LYSMD3: variants seen among roughly 807,000 people sequenced by gnomAD.
LYSMD3 encodes the protein lysM and putative peptidoglycan-binding domain-containing protein 3.
In LYSMD3, 13 loss-of-function variants were observed where a neutral mutation model predicts 26.1. The ratio of observed to expected loss-of-function variants is 0.50; its 90% CI spans 0.32 to 0.79. The LOEUF (loss-of-function observed/expected upper bound fraction) is 0.79, where lower values mean the gene tolerates loss of function less well. LYSMD3 is among the 30% of genes least tolerant of loss of function. The probability of loss-of-function intolerance (pLI) is 0.03; values close to 1 mark genes in which losing one functional copy is unlikely to be tolerated. For missense variants in LYSMD3, 331 were observed against 362.5 expected (o/e 0.91, Z 0.71); for synonymous variants, 109 against 119.4 (o/e 0.91, Z 0.57).
chr5:90,522,430 T>C (rs1034017868), intron 2 of LYSMD3, among the ~76,000 whole-genome samples: 1 of 152,252 alleles, frequency 6.6e-6, no homozygotes, highest in Admixed American at 6.5e-5. Flanking sequence ...TCCATTTAAG[T>C]ACTTTTCATC....
chr5:90,529,255 G>T, intron 1 of LYSMD3, 193 bp downstream of exon 1: 1 of 367,840 alleles, frequency 2.7e-6, no homozygotes, highest in South Asian at 2.0e-5. Flanking sequence ...CCGACAGTGT[G>T]ACAAGAGGGC....
Position 90,519,497 on chromosome 5 carries a change from A to C in LYSMD3, c.256-13T>G. On this transcript the variant is annotated splice_polypyrimidine_tract_variant and intron_variant, in intron 2 of 2. Coordinates refer to ENST00000315948, the MANE Select transcript of LYSMD3 (RefSeq NM_198273.2). Reference sequence around the variant, plus strand: ...TGATATCTGCTACCTGTGGGGGGGAAAAAAAAGCAACATACAACTGAATTC... The same window carrying C: ...TGATATCTGCTACCTGTGGGGGGGACAAAAAAGCAACATACAACTGAATTC... 2 of 1,586,338 alleles carry C rather than the reference A, an allele frequency of 1.3e-6. No homozygotes were observed. Among genetic ancestry groups the C allele is most frequent in the Non-Finnish European group, 1.7e-6 (2 of 1,169,378 alleles).
intron 2 of LYSMD3, chr5:90,520,222 T>C: frequency 2.9e-6 from 1 of 350,626 alleles, no homozygotes; most frequent in Non-Finnish European, 5.7e-6. Context: ...CACTGTGAGA[T>C]AACCTGTCTG....
At chr5:90,526,537 G>A (rs972246937) in intron 1 of LYSMD3, among the ~76,000 whole-genome samples, 4 of 152,188 alleles carry the variant, frequency 2.6e-5, no homozygotes, top group East Asian at 1.9e-4. Flanking sequence ...TTTTGGCTTC[G>A]TGTTAATTAT....
chr5:90,528,815 C>T (rs1189061365), intron 1 of LYSMD3, among the ~76,000 whole-genome samples: 1 of 152,218 alleles, frequency 6.6e-6, no homozygotes, highest in African/African-American at 2.4e-5. Context: ...AAGCATTCTT[C>T]AGCTCAGTCT....
Position 90,515,824 on chromosome 5 carries a change from A to G in LYSMD3, c.*2995T>C, listed in dbSNP as rs1431316004. 2 of 152,212 alleles carry G rather than the reference A, an allele frequency of 1.3e-5. No individual in the cohort carries two copies. Among genetic ancestry groups the G allele is most frequent in the African/African-American group, 2.4e-5 (1 of 41,474 alleles). The allele number at this position is 152,212 out of a possible 1,614,324, so 9.4% of individuals were successfully genotyped here. A position where few individuals can be genotyped will look rare whatever the true frequency, so the allele number is the denominator to read the frequency against. ...AAAATTAAAGCATTCAGATATTTCT[A>G]TGATCTAACAGTGCAATATGCACAT... On this transcript the variant is annotated 3_prime_UTR_variant, in exon 3 of 3. Coordinates refer to ENST00000315948, the MANE Select transcript of LYSMD3 (RefSeq NM_198273.2).
rs1300339090 is a variant in LYSMD3, at chr5:90,518,719, ATCTC to A, written c.*96_*99del. 5 of 1,217,588 alleles carry A rather than the reference ATCTC, an allele frequency of 4.1e-6. No individual in the cohort carries two copies. The African/African-American group carries it at 4.6e-5, about 11-fold the overall frequency. 75.4% of individuals were successfully genotyped at this position (1,217,588 alleles called of 1,614,324 possible). A position where few individuals can be genotyped will look rare whatever the true frequency, so the allele number is the denominator to read the frequency against. ...TTTGTTAAAAACAAAAGCATCCTCAATCTCTCTAAATTCTGCCTTTGAAGCTATT... is the reference window on the plus strand; with the variant it reads ...TTTGTTAAAAACAAAAGCATCCTCAATCTAAATTCTGCCTTTGAAGCTATT... On this transcript the variant is annotated 3_prime_UTR_variant, in exon 3 of 3. Coordinates refer to ENST00000315948, the MANE Select transcript of LYSMD3 (RefSeq NM_198273.2).
In LYSMD3 at chr5:90,519,439, A is replaced by C; in HGVS notation, c.301T>G (p.Phe101Val). The stretch of plus-strand genomic sequence containing the variant: ...ATTTTGATAGACCTAAGGGCAAAAA[A>C]GTCTTGATCACTGATGAGATTGTTA... ...RVNNLISDQD[F>V]FALRSIKIPV... Residue 101 changes from phenylalanine to valine, a missense_variant, in exon 3 of 3, where the codon TTT (phenylalanine) becomes GTT (valine). Phe to Val is a conservative substitution (Grantham distance 50). Transcript: ENST00000315948. 1.2e-6 allele frequency: 2 copies of C among 1,613,714 alleles called. No homozygotes were observed. Among genetic ancestry groups the C allele is most frequent in the Non-Finnish European group, 1.7e-6 (2 of 1,179,932 alleles).
intron 2 of LYSMD3, among the ~76,000 whole-genome samples, chr5:90,523,281 ATATTT>A (rs1203426178): frequency 6.6e-6 from 1 of 152,042 alleles, no homozygotes; most frequent in Non-Finnish European, 1.5e-5. Flanking sequence ...TTTTAATAAA[ATATTT>A]TATTAAATTT....
rs1160949 is a variant in LYSMD3, at chr5:90,516,908, CACTG to C, written c.*1907_*1910del. ...ACAACTAGCAAAAAAAGTAAGGAAT[CACTG>C]ACTGTAATTTCATCAATTTGATGTA... On this transcript the variant is annotated 3_prime_UTR_variant, in exon 3 of 3. Coordinates refer to ENST00000315948, the MANE Select transcript of LYSMD3 (RefSeq NM_198273.2). The C allele has an allele frequency of 0.19, 28,188 of 152,202 alleles. 3,011 individuals are homozygous for C. The highest frequency in any genetic ancestry group is 0.37 in the East Asian group (1,926 of 5,144). The allele number at this position is 152,202 out of a possible 1,614,324, so 9.4% of individuals were successfully genotyped here.
At chr5:90,520,764 CA>C (rs1753070925) in intron 2 of LYSMD3, among the ~76,000 whole-genome samples, 1 of 151,780 alleles carries the variant, frequency 6.6e-6, no homozygotes, top group South Asian at 2.1e-4. Flanking sequence ...ACTAAAAATA[CA>C]AAAATTAGCC....
rs776916784 is a variant in LYSMD3 at position 90,518,862 on chromosome 5, T to C, written c.878A>G (p.Tyr293Cys). ...AGCAGGTGACTGAGAATCTTGACTA[T>C]ACAGTTTATGATCATCTTGTTGGCT... ...HFSQQDDHKL[Y>C]SQDSQSPAAQ... Residue 293 changes from tyrosine (Y) to cysteine (C), a missense_variant, in exon 3 of 3, where the codon TAT (tyrosine) becomes TGT (cysteine). This residue lies in a region of LYSMD3 where 61 missense variants were observed against 66.8 expected (regional missense o/e 0.91). Transcript: ENST00000315948. 5.6e-6 allele frequency: 9 copies of C among 1,613,868 alleles called. No homozygotes were observed. Among genetic ancestry groups the C allele is most frequent in the Middle Eastern group, 3.3e-4 (2 of 6,084 alleles).
rs1352154447 is a variant in LYSMD3, at chr5:90,516,756, A to G, written c.*2063T>C. ...ACTACCTGATGTGTTATAAGGATGT[A>G]TATTTCCTTCAAAAAAGGATACTCT... On this transcript the variant is annotated 3_prime_UTR_variant, in exon 3 of 3. Coordinates refer to ENST00000315948, the MANE Select transcript of LYSMD3 (RefSeq NM_198273.2). 1.3e-5 allele frequency: 2 copies of G among 152,532 alleles called. No individual in the cohort carries two copies. Among genetic ancestry groups the G allele is most frequent in the African/African-American group, 4.8e-5 (2 of 41,462 alleles). The allele number at this position is 152,532 out of a possible 1,614,324, so 9.4% of individuals were successfully genotyped here. A position where few individuals can be genotyped will look rare whatever the true frequency, so the allele number is the denominator to read the frequency against.
chr5:90,522,932 TA>T (rs1387603473), intron 2 of LYSMD3, among the ~76,000 whole-genome samples: 1 of 152,218 alleles, frequency 6.6e-6, no homozygotes, highest in African/African-American at 2.4e-5. Context: ...GATGGTATGT[TA>T]AATTTCCCTA....
intron 2 of LYSMD3, among the ~76,000 whole-genome samples, chr5:90,524,266 G>A (rs561150223): frequency 6.6e-6 from 1 of 152,150 alleles, no homozygotes; most frequent in Non-Finnish European, 1.5e-5. Context: ...AATGCAAGTT[G>A]CAGAGTAAAA....
chr5:90,518,705 C>CA lies in LYSMD3; in HGVS notation c.*113dup. 8.9e-7 allele frequency: 1 copy of CA among 1,128,958 alleles called. No homozygotes were observed. 69.9% of individuals were successfully genotyped at this position (1,128,958 alleles called of 1,614,324 possible). ...AAGTGTGAAACCCTTTTGTTAAAAA[C>CA]AAAAGCATCCTCAATCTCTCTAAAT... On this transcript the variant is annotated 3_prime_UTR_variant, in exon 3 of 3. Transcript: ENST00000315948.
At chr5:90,522,304 T>C (rs1753112815) in intron 2 of LYSMD3, among the ~76,000 whole-genome samples, 1 of 152,248 alleles carries the variant, frequency 6.6e-6, no homozygotes, top group Non-Finnish European at 1.5e-5. Flanking sequence ...TGCCTGCTTA[T>C]GTACAACCTG....
chr5:90,521,626 C>G (rs528049349), intron 2 of LYSMD3, among the ~76,000 whole-genome samples: 2 of 151,832 alleles, frequency 1.3e-5, no homozygotes, highest in Non-Finnish European at 2.9e-5. Flanking sequence ...CAGTCTGACC[C>G]CATTCTCTTT....
rs1752966598 is a variant in LYSMD3, at chr5:90,516,952, A to G, written c.*1867T>C. ...AATTTGATGTAAACAAAGTTCTTCA[A>G]AGGACACCTGGCCTGTTTACCCTAA... On this transcript the variant is annotated 3_prime_UTR_variant, in exon 3 of 3. Coordinates refer to ENST00000315948, the MANE Select transcript of LYSMD3 (RefSeq NM_198273.2). 6.6e-6 allele frequency: 1 copy of G among 152,476 alleles called. No homozygotes were observed. Among genetic ancestry groups the G allele is most frequent in the Non-Finnish European group, 1.5e-5 (1 of 67,886 alleles). The allele number at this position is 152,476 out of a possible 1,614,324, so 9.4% of individuals were successfully genotyped here.
Sources: gnomAD v4.1 joint callset for allele counts (sites outside exome capture counted in the v4.1 genomes callset) on GRCh38, gnomAD v4.1.1 for gene constraint, gnomAD v4.1.1 regional missense constraint, MANE v1.5 for transcripts, NCBI Gene and HGNC (gene_info 2026-07-23, HGNC 2026-07-21) for gene names.